Variants in WNT11 observed in about 807,000 individuals in gnomAD.
WNT11 encodes the protein Wnt family member 11.
Under a neutral mutation model 35.6 loss-of-function variants are expected in WNT11, and 20 were observed. The ratio of observed to expected loss-of-function variants is 0.56; its 90% CI spans 0.40 to 0.82. The LOEUF (loss-of-function observed/expected upper bound fraction) is 0.82, where lower values mean the gene tolerates loss of function less well. WNT11 is among the 40% of genes least tolerant of loss of function. The pLI, the probability that WNT11 is intolerant of heterozygous loss-of-function variation, is 0.00. For missense variants in WNT11, 459 were observed against 504.4 expected, an observed-to-expected ratio of 0.91 and a Z score of 0.86; for synonymous variants, 200 against 211.9, an observed-to-expected ratio of 0.94 and a Z score of 0.49.
At chr11:76,193,964 T>C (rs1432685882) in intron 3 of WNT11, among the ~76,000 whole-genome samples, 3 of 152,136 alleles carry the variant, frequency 2.0e-5, no homozygotes, top group Admixed American at 2.0e-4. Flanking sequence ...AGAAAGTTCA[T>C]TCACTGACAG....
At chr11:76,195,216 G>T (rs957425431) in intron 2 of WNT11, 36 of 278,610 alleles carry the variant, frequency 1.3e-4, no homozygotes, top group African/African-American at 7.6e-4. Flanking sequence ...GTGGACCTGT[G>T]TCCCCCCGAA....
At chr11:76,210,390 G>T, upstream of WNT11, 1 of 977,288 alleles carries the variant, frequency 1.0e-6, no homozygotes, top group Non-Finnish European at 1.2e-6. Context: ...TGCGAGAAGC[G>T]TCGTCCCCCT....
chr11:76,201,332 C>G (rs1275114132), intron 1 of WNT11, among the ~76,000 whole-genome samples: 1 of 152,224 alleles, frequency 6.6e-6, no homozygotes, highest in African/African-American at 2.4e-5. Context: ...AGGCAGAGAT[C>G]ACAGGCGGGA....
Position 76,187,251 on chromosome 11 carries a change from G to A in WNT11, c.891-12C>T. The A allele has an allele frequency of 1.3e-6, 2 of 1,598,858 alleles. No individual in the cohort carries two copies. The highest frequency in any genetic ancestry group is 1.1e-5 in the South Asian group (1 of 91,004). ...TCTTGTTGCACTGCCTATTGTGGGG[G>A]CAGGAAGGAGGTCAGTGCATGCCTT... is the stretch of plus-strand genomic sequence containing the variant. On this transcript the variant is annotated splice_polypyrimidine_tract_variant and intron_variant, in intron 4 of 4. Coordinates refer to ENST00000322563, the MANE Select transcript of WNT11 (RefSeq NM_004626.3).
At position 76,192,852 on chromosome 11, in the gene WNT11, G is replaced by T. The variant is rs180850755; in HGVS notation, c.598-996C>A. 3.9e-3 allele frequency among the ~76,000 whole-genome samples: 600 copies of T among 152,272 alleles called. 2 individuals carry two copies. Among genetic ancestry groups the T allele is most frequent in the Non-Finnish European group, 6.4e-3 (434 of 68,000 alleles). ...ACAAGACTTGGATTCCTCTGCCCAG[G>T]CCTACCCTCCTGCCTCTCCTGTACA... is the stretch of plus-strand genomic sequence containing the variant. On this transcript the variant is annotated intron_variant, in intron 3 of 4. Transcript: ENST00000322563.
At chr11:76,199,752 C>T (rs1179489397) in intron 1 of WNT11, among the ~76,000 whole-genome samples, 2 of 152,156 alleles carry the variant, frequency 1.3e-5, no homozygotes, top group African/African-American at 2.4e-5. Context: ...GATTGTGACA[C>T]TGCACTCCAG....
intron 4 of WNT11, chr11:76,190,711 G>C (rs181783429): frequency 5.3e-5 from 8 of 152,302 alleles, no homozygotes; most frequent in South Asian, 2.1e-4. Flanking sequence ...GGGAAACACT[G>C]GCTTAAACAG....
chr11:76,191,123 A>T (rs774300399), intron 4 of WNT11, among the ~76,000 whole-genome samples: 2 of 152,122 alleles, frequency 1.3e-5, no homozygotes, highest in Non-Finnish European at 2.9e-5. Context: ...GGCTGTCCCC[A>T]TCTCCCCTGG....
intron 1 of WNT11, among the ~76,000 whole-genome samples, chr11:76,198,651 C>T (rs1473506968): frequency 1.3e-5 from 2 of 152,172 alleles, no homozygotes; most frequent in Non-Finnish European, 2.9e-5. Context: ...ATGAATATGA[C>T]ATAGATCCTT....
intron 1 of WNT11, among the ~76,000 whole-genome samples, chr11:76,203,893 C>T (rs1001748632): frequency 5.3e-5 from 8 of 152,252 alleles, no homozygotes; most frequent in Admixed American, 6.5e-5. Context: ...CTGTGCCCAA[C>T]AGTCCACAGA....
upstream of WNT11, chr11:76,206,619 C>A: frequency 9.4e-7 from 1 of 1,058,476 alleles, no homozygotes; most frequent in East Asian, 3.7e-5. Flanking sequence ...GGCGTCCCCT[C>A]CCGCTCCGCC....
rs145963588 is a variant in WNT11 at position 76,187,203 on chromosome 11, G to T, written c.927C>A (p.Cys309Ter). 2.5e-6 allele frequency: 4 copies of T among 1,607,362 alleles called. No individual in the cohort carries two copies. Among genetic ancestry groups the T allele is most frequent in the Non-Finnish European group, 1.7e-6 (2 of 1,179,970 alleles). Residue 309 changes from cysteine to a stop codon, truncating the protein, a stop_gained, in exon 5 of 5, where the codon TGC (cysteine) becomes TGA (stop). Transcript: ENST00000322563. LOFTEE classifies it high-confidence loss of function. ...AGCCACGCCCGCAGCACATAAGGTC[G>T]CAGCTGTCGCTTCCGTTGGATGTCT... ...CNKTSNGSDS[C>*]DLMCCGRGYN... is the part of the protein sequence containing the mutation.
At position 76,194,817 on chromosome 11, in the gene WNT11, G is replaced by A. The variant is rs777270687; in HGVS notation, c.347C>T (p.Ala116Val). The change falls in exon 3 of 5, where the codon GCG becomes GTG. Residue 116 changes from alanine (A) to valine (V), a missense_variant. Coordinates refer to ENST00000322563, the MANE Select transcript of WNT11 (RefSeq NM_004626.3). The surrounding 1 kb of genome is among the most constrained non-coding windows in gnomAD (Gnocchi z 5.4). ...GTGGCTGATGGCGGCGGCCGACAGCGCATACACGAAGGCCGACTCCCGGGT... is the reference window on the plus strand; with the variant it reads ...GTGGCTGATGGCGGCGGCCGACAGCACATACACGAAGGCCGACTCCCGGGT... ...RGTRESAFVY[A>V]LSAAAISHAI... The A allele has an allele frequency of 1.3e-6, 2 of 1,539,366 alleles. No homozygotes were observed. The highest frequency in any genetic ancestry group is 1.7e-6 in the Non-Finnish European group (2 of 1,149,678).
chr11:76,203,997 G>C (rs1471919945), intron 1 of WNT11, among the ~76,000 whole-genome samples: 2 of 152,178 alleles, frequency 1.3e-5, no homozygotes, highest in Admixed American at 1.3e-4. Flanking sequence ...CCCAGTCTCT[G>C]TTTCCTCTTC....
At chr11:76,191,900 C>G in intron 3 of WNT11, 44 bp from the exon 4 acceptor site, 2 of 1,562,744 alleles carry the variant, frequency 1.3e-6, no homozygotes, top group Non-Finnish European at 1.7e-6. Flanking sequence ...AGAGTCCCCT[C>G]CCTGGCCTGA....
chr11:76,205,518 C>T (rs779542631), intron 1 of WNT11, among the ~76,000 whole-genome samples: 2 of 152,232 alleles, frequency 1.3e-5, no homozygotes, highest in Non-Finnish European at 2.9e-5. Flanking sequence ...GGCTTCCTTC[C>T]TCTAGGCCTC....
Position 76,194,448 on chromosome 11 carries a change from G to C in WNT11, c.597+119C>G, listed in dbSNP as rs1953238025. The C allele has an allele frequency of 2.5e-6, 3 of 1,197,382 alleles. No homozygotes were observed. The East Asian group carries it at 7.7e-5, about 31-fold the overall frequency. 74.2% of individuals were successfully genotyped at this position (1,197,382 alleles called of 1,614,324 possible). On this transcript the variant is annotated intron_variant, in intron 3 of 4. Coordinates refer to ENST00000322563, the MANE Select transcript of WNT11 (RefSeq NM_004626.3). The surrounding 1 kb of genome is among the most constrained non-coding windows in gnomAD (Gnocchi z 5.4). Reference sequence around the variant, plus strand: ...ATGAGGATGGTGCGAGGCACATCAGGTGTGGGCCAGTCAGGGCCCGTCCCC... The same window carrying C: ...ATGAGGATGGTGCGAGGCACATCAGCTGTGGGCCAGTCAGGGCCCGTCCCC...
upstream of WNT11, chr11:76,206,555 G>A: frequency 8.3e-7 from 1 of 1,209,448 alleles, no homozygotes; most frequent in Non-Finnish European, 1.0e-6. Context: ...CGGGGGAGGC[G>A]TTTTATTCAA....
At chr11:76,199,068 G>A (rs1953334262) in intron 1 of WNT11, among the ~76,000 whole-genome samples, 1 of 152,138 alleles carries the variant, frequency 6.6e-6, no homozygotes, top group Non-Finnish European at 1.5e-5. Flanking sequence ...AGGAGGCAGA[G>A]GTTTCAGTGA....
Sources: allele counts gnomAD v4.1 joint callset (sites outside exome capture counted in the v4.1 genomes callset), GRCh38; gene constraint gnomAD v4.1.1; non-coding constraint Gnocchi (gnomAD v3.1); transcripts MANE v1.5; gene names NCBI Gene and HGNC (gene_info 2026-07-23, HGNC 2026-07-21).